IPCEF1: variants seen among roughly 807,000 people sequenced by gnomAD.
The protein encoded by IPCEF1 is interactor protein for cytohesin exchange factors 1.
In IPCEF1, 31 loss-of-function variants were observed where a neutral mutation model predicts 50.9. The observed-to-expected ratio is 0.61, with a 90% CI of 0.46 to 0.82. The LOEUF is 0.82. Among genes scored for constraint, IPCEF1 ranks in the 40% least tolerant of loss-of-function variants. The pLI, the probability that IPCEF1 is intolerant of heterozygous loss-of-function variation, is 0.00. For missense variants in IPCEF1, 458 were observed against 514.0 expected, an observed-to-expected ratio of 0.89 and a Z score of 1.05; for synonymous variants, 181 against 192.0, an observed-to-expected ratio of 0.94 and a Z score of 0.47.
chr6:154,181,939 G>A (rs922575588), intron 10 of IPCEF1, among the ~76,000 whole-genome samples: 6 of 152,198 alleles, frequency 3.9e-5, no homozygotes, highest in Non-Finnish European at 7.3e-5. Context: ...TAGAAGATGA[G>A]AACGTCAAGT....
intron 9 of IPCEF1, among the ~76,000 whole-genome samples, chr6:154,209,825 A>G (rs1777821224): frequency 6.6e-6 from 1 of 152,000 alleles, no homozygotes. Flanking sequence ...CTAAGGGGGA[A>G]AAAAAATCTA....
chr6:154,270,903 G>A (rs1009150200), intron 2 of IPCEF1, among the ~76,000 whole-genome samples: 3 of 152,184 alleles, frequency 2.0e-5, no homozygotes, highest in Non-Finnish European at 2.9e-5. Context: ...TTGAGCCCAG[G>A]AGGCTGAGGT....
At chr6:154,234,888 G>T (rs1779991884) in intron 5 of IPCEF1, among the ~76,000 whole-genome samples, 1 of 152,200 alleles carries the variant, frequency 6.6e-6, no homozygotes, top group South Asian at 2.1e-4. Flanking sequence ...AAAGAATTTT[G>T]TGTGATTGTC....
intron 10 of IPCEF1, among the ~76,000 whole-genome samples, chr6:154,177,340 A>C (rs1800421630): frequency 6.6e-6 from 1 of 152,252 alleles, no homozygotes; most frequent in Non-Finnish European, 1.5e-5. Context: ...CTATCATCAA[A>C]GTGAACAGGC....
intron 10 of IPCEF1, among the ~76,000 whole-genome samples, chr6:154,184,862 CTT>C (rs900207748): frequency 6.7e-6 from 1 of 150,350 alleles, no homozygotes; most frequent in Non-Finnish European, 1.5e-5. Flanking sequence ...GTAATTAAAA[CTT>C]AAATACAGAT....
intron 7 of IPCEF1, 78 bp downstream of exon 7, chr6:154,221,179 A>G: frequency 1.0e-6 from 1 of 999,656 alleles, no homozygotes; most frequent in Non-Finnish European, 1.6e-6. Context: ...ATATGGACAT[A>G]TGATTAGAAT....
At chr6:154,253,883 T>C (rs983905655) in intron 3 of IPCEF1, among the ~76,000 whole-genome samples, 1 of 152,128 alleles carries the variant, frequency 6.6e-6, no homozygotes, top group Admixed American at 6.5e-5. Flanking sequence ...ACCCTTTCTT[T>C]AAATTTTTAA....
intron 10 of IPCEF1, among the ~76,000 whole-genome samples, chr6:154,193,196 A>G (rs573402992): frequency 6.6e-6 from 1 of 152,346 alleles, no homozygotes; most frequent in African/African-American, 2.4e-5. Context: ...CATAAAAAGG[A>G]ACGAAATAAT....
At chr6:154,200,128 C>T (rs1776944212) in intron 9 of IPCEF1, 88 bp from the exon 10 acceptor site, 2 of 1,229,280 alleles carry the variant, frequency 1.6e-6, no homozygotes, top group South Asian at 3.2e-5. Context: ...ATCACGGTGT[C>T]CCCGTGTTAT....
At chr6:154,321,444 T>A (rs1783372289) in intron 1 of IPCEF1, among the ~76,000 whole-genome samples, 1 of 151,850 alleles carries the variant, frequency 6.6e-6, no homozygotes, top group Non-Finnish European at 1.5e-5. Flanking sequence ...ATTTATAAAT[T>A]TCCTTCTCAA....
intron 2 of IPCEF1, among the ~76,000 whole-genome samples, chr6:154,282,418 C>T (rs1208837432): frequency 4.6e-5 from 7 of 152,132 alleles, no homozygotes; most frequent in African/African-American, 7.2e-5. Flanking sequence ...CGCGGTGGCT[C>T]ACGCCTGTAA....
intron 11 of IPCEF1, among the ~76,000 whole-genome samples, chr6:154,162,145 A>G (rs1799077969): frequency 6.6e-6 from 1 of 152,116 alleles, no homozygotes; most frequent in Non-Finnish European, 1.5e-5. Flanking sequence ...GTAAAGGCCA[A>G]TCCCTCCACT....
At chr6:154,226,661 A>G (rs1045386492) in intron 5 of IPCEF1, among the ~76,000 whole-genome samples, 1 of 152,126 alleles carries the variant, frequency 6.6e-6, no homozygotes, top group Admixed American at 6.5e-5. Flanking sequence ...CTGCTGTTTC[A>G]TCAAATTTAG....
chr6:154,273,238 AAC>A (rs1043092456), intron 2 of IPCEF1, among the ~76,000 whole-genome samples: 5 of 152,226 alleles, frequency 3.3e-5, no homozygotes, highest in African/African-American at 1.2e-4. Context: ...AAAGTCCACA[AAC>A]ACAGGCAAAC....
At chr6:154,284,231 TA>T (rs1321211897) in intron 2 of IPCEF1, among the ~76,000 whole-genome samples, 1 of 152,170 alleles carries the variant, frequency 6.6e-6, no homozygotes, top group Non-Finnish European at 1.5e-5. Context: ...AGTCAGAAAG[TA>T]AAAAATGTGA....
In IPCEF1 at chr6:154,176,212, T is replaced by C. The variant is rs888257775; in HGVS notation, c.911-8099A>G. 3.3e-5 allele frequency among the ~76,000 whole-genome samples: 5 copies of C among 152,280 alleles called. No homozygotes were observed. In the East Asian group the frequency reaches 9.6e-4, roughly 29 times the overall value. On this transcript the variant is annotated intron_variant, in intron 10 of 11. Transcript: ENST00000367220. ...CTATTTATGACAAACCCACAGCCAA[T>C]ATCATACTGAATGGGCAAAAACTGG...
At chr6:154,340,443 G>T (rs1187653812) in intron 1 of IPCEF1, among the ~76,000 whole-genome samples, 1 of 151,768 alleles carries the variant, frequency 6.6e-6, no homozygotes, top group African/African-American at 2.4e-5. Flanking sequence ...GTAGAGACAG[G>T]TTTTGCCATG....
chr6:154,180,411 TA>T (rs1224277862), intron 10 of IPCEF1, among the ~76,000 whole-genome samples: 550 of 38,450 alleles, frequency 0.014, no homozygotes, highest in African/African-American at 0.028. Context: ...TATATATATA[TA>T]TATTTTTTTT....
Position 154,350,679 on chromosome 6 carries a change from T to A in IPCEF1, c.-62+5993A>T, listed in dbSNP as rs1784105058. On this transcript the variant is annotated intron_variant, in intron 1 of 11. Coordinates refer to ENST00000367220, the MANE Select transcript of IPCEF1 (RefSeq NM_001130700.2). ...ATATTTTTGTTTTCTTCTAAGTATA[T>A]ACGCTTACTTTCATTTGGCCCATAC... 3.3e-5 allele frequency among the ~76,000 whole-genome samples: 5 copies of A among 152,340 alleles called. No homozygotes were observed. In the South Asian group the frequency reaches 1.0e-3, roughly 32 times the overall value.
Sources: gnomAD v4.1 joint callset for allele counts (sites outside exome capture counted in the v4.1 genomes callset) on GRCh38, gnomAD v4.1.1 for gene constraint, MANE v1.5 for transcripts, NCBI Gene and HGNC (gene_info 2026-07-23, HGNC 2026-07-21) for gene names.